Variants in AKT2 observed in about 807,000 individuals in gnomAD.
AKT2 encodes AKT serine/threonine kinase 2.
AKT2 carries 16 observed loss-of-function variants against 58.6 expected under a neutral mutation model. The observed-to-expected ratio is 0.27, with a 90% confidence interval of 0.18 to 0.41. The LOEUF (loss-of-function observed/expected upper bound fraction) is 0.41. Among genes scored for constraint, AKT2 ranks in the 10% least tolerant of loss-of-function variants. The pLI is 1.00. For missense variants in AKT2, 438 were observed against 661.0 expected, an observed-to-expected ratio of 0.66 and a Z score of 3.70; for synonymous variants, 253 against 254.0, an observed-to-expected ratio of 1.00 and a Z score of 0.04.
intron 2 of AKT2, 30 bp from the exon 3 acceptor site, chr19:40,257,084 G>T: frequency 6.2e-7 from 1 of 1,613,230 alleles, no homozygotes; most frequent in South Asian, 1.1e-5. Context: ...GAGGGAGAGA[G>T]GTTAGGACAA....
chr19:40,240,519 G>A (rs1178358091), intron 6 of AKT2, among the ~76,000 whole-genome samples: 2 of 152,236 alleles, frequency 1.3e-5, no homozygotes, highest in Non-Finnish European at 2.9e-5. Context: ...CAGCACCTCA[G>A]CACCGCCTGG....
At chr19:40,273,189 A>G (rs994153243) in intron 1 of AKT2, among the ~76,000 whole-genome samples, 2 of 152,046 alleles carry the variant, frequency 1.3e-5, no homozygotes, top group Non-Finnish European at 2.9e-5. Flanking sequence ...TAAAAATTCA[A>G]AAATTAGCCG....
intron 2 of AKT2, among the ~76,000 whole-genome samples, chr19:40,264,683 A>C (rs1600084187): frequency 6.6e-6 from 1 of 151,560 alleles, no homozygotes; most frequent in Non-Finnish European, 1.5e-5. Flanking sequence ...GCCTCTGACC[A>C]CTGCCGTCTC....
rs912660029 is a variant in AKT2, at chr19:40,242,293, G to C, written c.442-224C>G. 4 of 858,804 alleles carry C rather than the reference G, an allele frequency of 4.7e-6. No homozygotes were observed. The highest frequency in any genetic ancestry group is 7.3e-6 in the Non-Finnish European group (4 of 549,856). 53.2% of individuals were successfully genotyped at this position (858,804 alleles called of 1,614,324 possible). ...AGGGCTGGGCTCTGACGTGGGGGTAGCCAGGTCTTCACCAACTCCCAGGAC... is the reference window on the plus strand; with the variant it reads ...AGGGCTGGGCTCTGACGTGGGGGTACCCAGGTCTTCACCAACTCCCAGGAC... On this transcript the variant is annotated intron_variant, in intron 5 of 13. Transcript: ENST00000392038. This position sits in a 1 kb window ranked among gnomAD's most constrained non-coding sequence, Gnocchi z 4.3.
chr19:40,234,823 C>G lies in AKT2; in HGVS notation c.1366+222G>C. The G allele has an allele frequency of 1.6e-6, 1 of 641,800 alleles. No individual in the cohort carries two copies. The highest frequency in any genetic ancestry group is 2.7e-5 in the East Asian group (1 of 36,784). 39.8% of individuals were successfully genotyped at this position (641,800 alleles called of 1,614,324 possible). A position where few individuals can be genotyped will look rare whatever the true frequency, so the allele number is the denominator to read the frequency against. On this transcript the variant is annotated intron_variant, in intron 13 of 13. Coordinates refer to ENST00000392038, the MANE Select transcript of AKT2 (RefSeq NM_001626.6). The surrounding 1 kb of genome is among the most constrained non-coding windows in gnomAD (Gnocchi z 4.7). ...GACCGGGCTGCCTCCTGCCCTGAGC[C>G]CCCCGACTGAGCTCCAGAACGTGCT...
intron 4 of AKT2, among the ~76,000 whole-genome samples, chr19:40,251,394 G>A (rs1975144832): frequency 6.6e-6 from 1 of 152,024 alleles, no homozygotes; most frequent in African/African-American, 2.4e-5. Flanking sequence ...TTACAAAAAT[G>A]GAAGGCAGGG....
intron 2 of AKT2, among the ~76,000 whole-genome samples, chr19:40,261,036 G>A (rs1027916006): frequency 6.6e-6 from 1 of 152,252 alleles, no homozygotes; most frequent in South Asian, 2.1e-4. Flanking sequence ...AATGTCCAGA[G>A]TAGGTAAATT....
At chr19:40,252,060 C>T (rs925944617) in intron 4 of AKT2, among the ~76,000 whole-genome samples, 1 of 152,136 alleles carries the variant, frequency 6.6e-6, no homozygotes, top group Admixed American at 6.6e-5. Flanking sequence ...CAACCAGGAG[C>T]CCAGTGAGGA....
At chr19:40,282,757 C>A in intron 1 of AKT2, 1 of 322,536 alleles carries the variant, frequency 3.1e-6, no homozygotes, top group East Asian at 1.1e-4. Flanking sequence ...AATTCTTCCT[C>A]TGAACTTCAA....
intron 4 of AKT2, among the ~76,000 whole-genome samples, chr19:40,244,662 T>G (rs1411217881): frequency 6.6e-6 from 1 of 152,190 alleles, no homozygotes; most frequent in Non-Finnish European, 1.5e-5. Flanking sequence ...TCACTAAGAA[T>G]GAGAAAATTC....
At position 40,264,149 on chromosome 19, in the gene AKT2, C is replaced by A. The variant is rs754322160; in HGVS notation, c.46+1073G>T. Among the ~76,000 whole-genome samples, 5 of 152,168 alleles carry A rather than the reference C, an allele frequency of 3.3e-5. No homozygotes were observed. The South Asian group carries it at 1.0e-3, about 31-fold the overall frequency. ...CCTGGCCCACAGGCGCTGCTCAGCA[C>A]GTGTTTGCTGAATGAATGCAAGTGC... On this transcript the variant is annotated intron_variant, in intron 2 of 13. Coordinates refer to ENST00000392038, the MANE Select transcript of AKT2 (RefSeq NM_001626.6).
chr19:40,271,228 C>T lies in AKT2; in HGVS notation c.-84-5877G>A, dbSNP rs530523892. ...ACATACATACATATATATATATATACACACATATATATGTATATATACACG... is the reference window on the plus strand; with the variant it reads ...ACATACATACATATATATATATATATACACATATATATGTATATATACACG... On this transcript the variant is annotated intron_variant, in intron 1 of 13. Transcript: ENST00000392038. 5.0e-5 allele frequency among the ~76,000 whole-genome samples: 6 copies of T among 120,872 alleles called. No individual in the cohort carries two copies. The South Asian group carries it at 1.5e-3, about 29-fold the overall frequency. The allele number at this position is 120,872 out of a possible 152,430, so 79.3% of individuals were successfully genotyped here. A position where few individuals can be genotyped will look rare whatever the true frequency, so the allele number is the denominator to read the frequency against.
Position 40,239,905 on chromosome 19 carries a change from T to G in AKT2, c.639+140A>C, listed in dbSNP as rs1053366606. ...CACCACATGTCTTGGTTCGGATGAC[T>G]TGGCAGGGCGCAGCAACACCTTGCC... is the stretch of plus-strand genomic sequence containing the variant. On this transcript the variant is annotated intron_variant, in intron 7 of 13. Coordinates refer to ENST00000392038, the MANE Select transcript of AKT2 (RefSeq NM_001626.6). 3 of 1,053,644 alleles carry G rather than the reference T, an allele frequency of 2.8e-6. No individual in the cohort carries two copies. In the Admixed American group the frequency reaches 5.2e-5, roughly 18 times the overall value. The allele number at this position is 1,053,644 out of a possible 1,614,324, so 65.3% of individuals were successfully genotyped here.
At chr19:40,271,043 C>CA (rs1265603727) in intron 1 of AKT2, among the ~76,000 whole-genome samples, 1 of 149,322 alleles carries the variant, frequency 6.7e-6, no homozygotes, top group African/African-American at 2.5e-5. Context: ...AACAAACAAA[C>CA]AAACAAAAAA....
chr19:40,272,491 C>T lies in AKT2; in HGVS notation c.-84-7140G>A, dbSNP rs58341807. 2.1e-3 allele frequency among the ~76,000 whole-genome samples: 322 copies of T among 152,320 alleles called. 1 individual carries two copies. Among genetic ancestry groups the T allele is most frequent in the African/African-American group, 7.5e-3 (313 of 41,574 alleles). On this transcript the variant is annotated intron_variant, in intron 1 of 13. Transcript: ENST00000392038. ...GACCATCAGCATTCGCTAACGAAGG[C>T]TCGCGGCACGACAGAATGCAGGCGG...
At position 40,232,544 on chromosome 19, in the gene AKT2, CA is replaced by C. The variant is rs1447971481; in HGVS notation, c.*1327del. The C allele has an allele frequency of 4.3e-6, 1 of 233,086 alleles. No individual in the cohort carries two copies. Among genetic ancestry groups the C allele is most frequent in the Non-Finnish European group, 8.5e-6 (1 of 118,080 alleles). 14.4% of individuals were successfully genotyped at this position (233,086 alleles called of 1,614,324 possible). ...GAGCAAACCCACAAAAGCTAAACTCCAAACACCCAGAGGTGTTGCTACAGGG... is the reference window on the plus strand; with the variant it reads ...GAGCAAACCCACAAAAGCTAAACTCCAACACCCAGAGGTGTTGCTACAGGG... On this transcript the variant is annotated 3_prime_UTR_variant, in exon 14 of 14. Coordinates refer to ENST00000392038, the MANE Select transcript of AKT2 (RefSeq NM_001626.6).
intron 4 of AKT2, among the ~76,000 whole-genome samples, chr19:40,251,733 T>C (rs1250598283): frequency 1.3e-5 from 2 of 152,140 alleles, no homozygotes; most frequent in Admixed American, 6.5e-5. Context: ...AAGTACGGCA[T>C]GGATAAGGAG....
intron 6 of AKT2, 36 bp downstream of exon 6, chr19:40,241,902 A>AC: frequency 6.2e-7 from 1 of 1,612,452 alleles, no homozygotes; most frequent in Non-Finnish European, 8.5e-7. Context: ...CGCAGCCCCC[A>AC]CAGAGGCTCG....
intron 1 of AKT2, among the ~76,000 whole-genome samples, chr19:40,273,033 C>T (rs1025700627): frequency 6.6e-6 from 1 of 152,092 alleles, no homozygotes; most frequent in African/African-American, 2.4e-5. Context: ...AGAGCAACTG[C>T]TCAACACGTA....
Sources: gnomAD v4.1 joint callset for allele counts (sites outside exome capture counted in the v4.1 genomes callset) on GRCh38, gnomAD v4.1.1 for gene constraint, Gnocchi (gnomAD v3.1) non-coding constraint, MANE v1.5 for transcripts, NCBI Gene and HGNC (gene_info 2026-07-23, HGNC 2026-07-21) for gene names.